The following TET3 variants were observed in gnomAD, a reference collection of about 807,000 sequenced individuals.
TET3 encodes the protein tet methylcytosine dioxygenase 3, also known as methylcytosine dioxygenase TET3.
TET3 carries 19 observed loss-of-function variants against 141.4 expected under a neutral mutation model. That is an observed-to-expected ratio of 0.13 (90% CI 0.09 to 0.20). TET3 has a LOEUF of 0.20. TET3 is among the 10% of genes least tolerant of loss of function. TET3 has a pLI of 1.00. For synonymous variants in TET3, 1,043 were observed against 980.9 expected, an observed-to-expected ratio of 1.06 and a Z score of -1.18; for missense variants, 1,874 against 2,356.9, an observed-to-expected ratio of 0.80 and a Z score of 4.24.
chr2:73,985,332 GGGTGGCGGGGC>G (rs1349398869), intron 1 of TET3, among the ~76,000 whole-genome samples, 175 bp downstream of exon 1: 1 of 142,204 alleles, frequency 7.0e-6, no homozygotes, highest in Non-Finnish European at 1.6e-5. Context: ...AGCCGGGCGG[GGGTGGCGGGGC>G]GGGGGCGGGG....
intron 3 of TET3, among the ~76,000 whole-genome samples, chr2:74,008,126 G>A (rs1289375065): frequency 6.6e-6 from 1 of 152,158 alleles, no homozygotes; most frequent in South Asian, 2.1e-4. Context: ...TAGGGTCTCT[G>A]TTTTGATGCC....
At chr2:74,118,882 TGAG>T in the TET3 span, among the ~76,000 whole-genome samples, 2 of 152,216 alleles carry the variant, frequency 1.3e-5, no homozygotes, top group African/African-American at 4.8e-5. Context: ...TATCTAATAT[TGAG>T]TTCATATTCA....
At chr2:74,120,155 C>T in the TET3 span, among the ~76,000 whole-genome samples, 1 of 152,218 alleles carries the variant, frequency 6.6e-6, no homozygotes, top group African/African-American at 2.4e-5. Context: ...CCCGGAAGGA[C>T]GCTGCTTCGG....
intron 4 of TET3, among the ~76,000 whole-genome samples, chr2:74,056,850 A>G (rs188107005): frequency 6.6e-6 from 1 of 152,290 alleles, no homozygotes; most frequent in East Asian, 1.9e-4. Flanking sequence ...CCACTTTGAG[A>G]TCAAATTGAA....
chr2:74,097,194 TGCAC>T lies in TET3; in HGVS notation c.3268-2081_3268-2078del, dbSNP rs1456002054. Among the ~76,000 whole-genome samples, 3 of 60,044 alleles carry T rather than the reference TGCAC, an allele frequency of 5.0e-5. No homozygotes were observed. In the East Asian group the frequency reaches 1.2e-3, roughly 24 times the overall value. The allele number at this position is 60,044 out of a possible 152,430, so 39.4% of individuals were successfully genotyped here. On this transcript the variant is annotated intron_variant, in intron 10 of 11. Transcript: ENST00000409262. ...ATTTGTAGTTTTATATAGCCATACA[TGCAC>T]ACACACACACACACACACACACACA...
chr2:74,115,594 GA>G, the TET3 span, among the ~76,000 whole-genome samples: 1 of 152,028 alleles, frequency 6.6e-6, no homozygotes, highest in African/African-American at 2.4e-5. Flanking sequence ...TGTTAATTTG[GA>G]TAGAGCTAAA....
chr2:74,100,362 C>T (rs1227848036), intron 11 of TET3, 31 bp from the exon 12 acceptor site: 24 of 1,547,562 alleles, frequency 1.6e-5, no homozygotes, highest in East Asian at 1.5e-4. Flanking sequence ...TGTTGTCTGC[C>T]CCTCTGCCAT....
chr2:74,021,161 G>C (rs185404410), intron 3 of TET3, among the ~76,000 whole-genome samples: 1 of 152,244 alleles, frequency 6.6e-6, no homozygotes, highest in African/African-American at 2.4e-5. Flanking sequence ...TGGGGCCTCT[G>C]AGTCTCCCCA....
At position 73,999,869 on chromosome 2, in the gene TET3, G is replaced by A. The variant is rs1684761560; in HGVS notation, c.304-3241G>A. ...ACTCCCTTGAGCCCCGGCATTCCAC[G>A]AGTCTCAGAAGAGGGAATGAGGCCA... On this transcript the variant is annotated intron_variant, in intron 2 of 11. Coordinates refer to ENST00000409262, the MANE Select transcript of TET3 (RefSeq NM_001287491.2). 2.0e-5 allele frequency among the ~76,000 whole-genome samples: 3 copies of A among 152,266 alleles called. No homozygotes were observed. In the South Asian group the frequency reaches 6.2e-4, roughly 32 times the overall value.
At position 73,986,642 on chromosome 2, in the gene TET3, C is replaced by A. The variant is rs1392076353; in HGVS notation, c.239C>A (p.Thr80Lys). The change falls in exon 2 of 12, where the codon ACG (threonine) becomes AAG (lysine). Residue 80 changes from threonine to lysine, a missense_variant. By Grantham distance (78) the Thr-to-Lys change is moderately conservative. Transcript: ENST00000409262. Reference sequence around the variant, plus strand: ...TGCACTAGCTGTACCAACCGCCGCACGCACCAGATCTGCAAACTGCGAAAA... The same window carrying A: ...TGCACTAGCTGTACCAACCGCCGCAAGCACCAGATCTGCAAACTGCGAAAA... ...GACTSCTNRRTHQICKLRKCE... is the reference protein window; with the variant it reads ...GACTSCTNRRKHQICKLRKCE... 6.5e-6 allele frequency: 8 copies of A among 1,231,990 alleles called. No homozygotes were observed. The highest frequency in any genetic ancestry group is 8.1e-6 in the Non-Finnish European group (8 of 987,982). 76.3% of individuals were successfully genotyped at this position (1,231,990 alleles called of 1,614,324 possible).
At chr2:74,068,574 T>C (rs745345507) in intron 4 of TET3, among the ~76,000 whole-genome samples, 4 of 152,248 alleles carry the variant, frequency 2.6e-5, no homozygotes, top group Non-Finnish European at 4.4e-5. Flanking sequence ...TCTTGTTACA[T>C]AGGTCATTTT....
Position 73,986,464 on chromosome 2 carries a change from C to G in TET3, c.61C>G (p.Pro21Ala). The G allele has an allele frequency of 8.1e-7, 1 of 1,232,248 alleles. No homozygotes were observed. Among genetic ancestry groups the G allele is most frequent in the Non-Finnish European group, 1.0e-6 (1 of 988,060 alleles). 76.3% of individuals were successfully genotyped at this position (1,232,248 alleles called of 1,614,324 possible). ...GGACCTGCCAGGCCTTTATGACTTC[C>G]CTCAGCGCCAGGTGATGGTAGGGAG... ...QPDLPGLYDF[P>A]QRQVMVGSFP... The change falls in exon 2 of 12, where the codon CCT (proline) becomes GCT (alanine). Residue 21 changes from proline to alanine, a missense_variant. By Grantham distance (27) the Pro-to-Ala change is conservative. Transcript: ENST00000409262.
intron 8 of TET3, among the ~76,000 whole-genome samples, chr2:74,090,781 G>A (rs189778742): frequency 1.3e-3 from 199 of 152,308 alleles, no homozygotes; most frequent in African/African-American, 4.5e-3. Context: ...CCTGAGAGGC[G>A]GTCTCCACTC....
In TET3 at chr2:74,105,115, T is replaced by C. The variant is rs911458225; in HGVS notation, c.*2939T>C. ...ATTTTTTACTGGCACTATCATTTTT[T>C]AAGTCCTAAAGATGATTAACAGACA... On this transcript the variant is annotated 3_prime_UTR_variant, in exon 12 of 12. Transcript: ENST00000409262. 10 of 398,530 alleles carry C rather than the reference T, an allele frequency of 2.5e-5. No homozygotes were observed. The highest frequency in any genetic ancestry group is 3.6e-5 in the East Asian group (1 of 28,100). 24.7% of individuals were successfully genotyped at this position (398,530 alleles called of 1,614,324 possible). A position where few individuals can be genotyped will look rare whatever the true frequency, so the allele number is the denominator to read the frequency against.
At chr2:74,000,485 G>A (rs749157407) in intron 2 of TET3, among the ~76,000 whole-genome samples, 1 of 152,178 alleles carries the variant, frequency 6.6e-6, no homozygotes, top group Non-Finnish European at 1.5e-5. Context: ...AAACTGGCAG[G>A]GGGAGGCAAT....
intron 6 of TET3, among the ~76,000 whole-genome samples, chr2:74,083,031 C>T (rs920819955): frequency 6.6e-6 from 1 of 152,158 alleles, no homozygotes; most frequent in African/African-American, 2.4e-5. Context: ...CCCAGCCATA[C>T]CTTCAGCTTA....
At chr2:74,112,331 C>T (rs1259847133), downstream of TET3, among the ~76,000 whole-genome samples, 1 of 151,960 alleles carries the variant, frequency 6.6e-6, no homozygotes, top group Non-Finnish European at 1.5e-5. Context: ...GCCAGTAATA[C>T]CACCAAGAAC....
At chr2:74,085,248 A>C (rs1448079452) in intron 6 of TET3, among the ~76,000 whole-genome samples, 1 of 152,010 alleles carries the variant, frequency 6.6e-6, no homozygotes, top group Non-Finnish European at 1.5e-5. Flanking sequence ...TGGAAGAATT[A>C]GCCTCACTGG....
downstream of TET3, among the ~76,000 whole-genome samples, chr2:74,108,595 A>G (rs939240133): frequency 6.6e-6 from 1 of 152,206 alleles, no homozygotes; most frequent in Non-Finnish European, 1.5e-5. Context: ...ATTGGCTAAT[A>G]TACGGAACCC....
Sources: allele counts gnomAD v4.1 joint callset (sites outside exome capture counted in the v4.1 genomes callset), GRCh38; gene constraint gnomAD v4.1.1; transcripts MANE v1.5; gene names NCBI Gene and HGNC (gene_info 2026-07-23, HGNC 2026-07-21).